Variants in CCDC85A observed in about 807,000 individuals in gnomAD.
The protein encoded by CCDC85A is coiled-coil domain containing 85A.
A neutral mutation model predicts 50.2 loss-of-function variants in CCDC85A; 38 were observed. The observed-to-expected ratio is 0.76, with a 90% CI of 0.58 to 0.99. CCDC85A has a LOEUF of 0.99. Among genes scored for constraint, CCDC85A ranks in the 50% least tolerant of loss-of-function variants. The pLI is 0.00. For synonymous variants in CCDC85A, 366 were observed against 301.4 expected (o/e 1.21, Z -2.22); for missense variants, 820 against 742.0 (o/e 1.11, Z -1.22).
At chr2:56,338,691 G>T (rs1310070888) in intron 2 of CCDC85A, among the ~76,000 whole-genome samples, 1 of 151,990 alleles carries the variant, frequency 6.6e-6, no homozygotes, top group Non-Finnish European at 1.5e-5. Flanking sequence ...CTGACCTATG[G>T]TAAGTAACAA....
At chr2:56,343,065 TTTG>T in intron 3 of CCDC85A, 110 bp downstream of exon 3, 4 of 717,906 alleles carry the variant, frequency 5.6e-6, no homozygotes, top group South Asian at 1.7e-5. Flanking sequence ...TAGAAATCAT[TTTG>T]TAAATAGCCA....
intron 2 of CCDC85A, among the ~76,000 whole-genome samples, chr2:56,246,215 C>T (rs571464782): frequency 2.6e-5 from 4 of 152,274 alleles, no homozygotes; most frequent in South Asian, 2.1e-4. Context: ...TGAGCCACCA[C>T]GCCCGGCCCA....
intron 2 of CCDC85A, among the ~76,000 whole-genome samples, chr2:56,219,421 C>G (rs890285792): frequency 6.6e-6 from 1 of 151,422 alleles, no homozygotes; most frequent in African/African-American, 2.4e-5. Context: ...ATTGAGTTAC[C>G]GTTGACATAT....
At chr2:56,291,014 C>T (rs1033515428) in intron 2 of CCDC85A, among the ~76,000 whole-genome samples, 3 of 152,136 alleles carry the variant, frequency 2.0e-5, no homozygotes, top group African/African-American at 7.2e-5. Flanking sequence ...GACCATGTAA[C>T]TCTTTTGGGG....
At chr2:56,370,873 G>GT (rs1318356987) in intron 3 of CCDC85A, among the ~76,000 whole-genome samples, 5 of 152,048 alleles carry the variant, frequency 3.3e-5, no homozygotes, top group Admixed American at 1.3e-4. Context: ...GATCTGAGAG[G>GT]TGCATGTTAT....
intron 2 of CCDC85A, among the ~76,000 whole-genome samples, chr2:56,329,442 T>A (rs1180636814): frequency 6.6e-6 from 1 of 152,210 alleles, no homozygotes; most frequent in Non-Finnish European, 1.5e-5. Context: ...AATAAATATA[T>A]GTTAACAGAG....
intron 2 of CCDC85A, among the ~76,000 whole-genome samples, chr2:56,284,164 TG>T (rs1212362345): frequency 1.3e-5 from 2 of 152,174 alleles, no homozygotes; most frequent in Non-Finnish European, 2.9e-5. Context: ...ACTTGGGCAT[TG>T]CTAGATATCC....
chr2:56,214,501 C>A (rs768612566), intron 2 of CCDC85A, among the ~76,000 whole-genome samples: 1 of 151,830 alleles, frequency 6.6e-6, no homozygotes, highest in African/African-American at 2.4e-5. Context: ...TTGCAGTGTA[C>A]GTTTAGGTAT....
intron 2 of CCDC85A, among the ~76,000 whole-genome samples, chr2:56,235,668 C>T (rs72919084): frequency 6.6e-6 from 1 of 152,170 alleles, no homozygotes; most frequent in South Asian, 2.1e-4. Context: ...AATGGGCCAC[C>T]TAGCAGAGGA....
At chr2:56,295,435 A>G (rs193301168) in intron 2 of CCDC85A, among the ~76,000 whole-genome samples, 1 of 152,282 alleles carries the variant, frequency 6.6e-6, no homozygotes, top group Admixed American at 6.5e-5. Flanking sequence ...AATATAATTG[A>G]TTAATAATAT....
chr2:56,232,157 T>G (rs926635687), intron 2 of CCDC85A, among the ~76,000 whole-genome samples: 2 of 152,152 alleles, frequency 1.3e-5, no homozygotes, highest in Admixed American at 6.6e-5. Context: ...AATCTGTACC[T>G]ATAGCCATGA....
chr2:56,191,228 T>C (rs930499433), intron 1 of CCDC85A, among the ~76,000 whole-genome samples: 2 of 152,202 alleles, frequency 1.3e-5, no homozygotes, highest in Non-Finnish European at 2.9e-5. Context: ...CTGCTTCAAT[T>C]TTCCTTCCAG....
At chr2:56,300,483 T>A (rs1163424393) in intron 2 of CCDC85A, among the ~76,000 whole-genome samples, 1 of 152,158 alleles carries the variant, frequency 6.6e-6, no homozygotes, top group Non-Finnish European at 1.5e-5. Flanking sequence ...GTTTTAGTCA[T>A]GTAGGGGTGA....
chr2:56,337,673 T>A (rs1674141992), intron 2 of CCDC85A, among the ~76,000 whole-genome samples: 1 of 152,224 alleles, frequency 6.6e-6, no homozygotes, highest in African/African-American at 2.4e-5. Context: ...TGTTGATTTT[T>A]TTCTTTGCTC....
intron 2 of CCDC85A, among the ~76,000 whole-genome samples, chr2:56,329,064 CCTTTCCAGGAGACAA>C (rs1375511586): frequency 2.0e-5 from 3 of 152,182 alleles, no homozygotes; most frequent in African/African-American, 7.2e-5. Flanking sequence ...GGACTTGTCT[CCTTTCCAGGAGACAA>C]CTGCATCCTC....
intron 2 of CCDC85A, among the ~76,000 whole-genome samples, chr2:56,208,724 C>A (rs555547836): frequency 6.6e-6 from 1 of 152,128 alleles, no homozygotes; most frequent in East Asian, 1.9e-4. Context: ...CTAGGCTCAC[C>A]CAACACATAT....
At chr2:56,186,969 CTT>C (rs1676075938) in intron 1 of CCDC85A, among the ~76,000 whole-genome samples, 1 of 152,164 alleles carries the variant, frequency 6.6e-6, no homozygotes, top group East Asian at 1.9e-4. Flanking sequence ...AGCTTCTACT[CTT>C]CTCATGTCAT....
At chr2:56,235,471 G>A (rs1668964771) in intron 2 of CCDC85A, 1 of 150,002 alleles carries the variant, frequency 6.7e-6, no homozygotes, top group African/African-American at 2.4e-5. Flanking sequence ...GAATGAAAAA[G>A]GTAAATTAGG....
intron 4 of CCDC85A, among the ~76,000 whole-genome samples, 154 bp downstream of exon 4, chr2:56,372,632 A>G: frequency 6.6e-6 from 1 of 152,164 alleles, no homozygotes; most frequent in Non-Finnish European, 1.5e-5. Context: ...ATGGGAGTAG[A>G]ATTTTTCACC....
Sources: allele counts gnomAD v4.1 joint callset (sites outside exome capture counted in the v4.1 genomes callset), GRCh38; gene constraint gnomAD v4.1.1; transcripts MANE v1.5; gene names NCBI Gene and HGNC (gene_info 2026-07-23, HGNC 2026-07-21).